The following TBC1D8 variants were observed in gnomAD, a reference collection of about 807,000 sequenced individuals.
The protein encoded by TBC1D8 is TBC1 domain family member 8, also known as BUB2-like protein 1.
TBC1D8 carries 65 observed loss-of-function variants against 118.8 expected under a neutral mutation model. The ratio of observed to expected loss-of-function variants is 0.55; its 90% CI spans 0.45 to 0.67. TBC1D8 has a LOEUF of 0.67. Among genes scored for constraint, TBC1D8 ranks in the 30% least tolerant of loss-of-function variants. TBC1D8 has a pLI of 0.00. For missense variants in TBC1D8, 1,376 were observed against 1,471.2 expected, an observed-to-expected ratio of 0.94 and a Z score of 1.06; for synonymous variants, 566 against 595.8, an observed-to-expected ratio of 0.95 and a Z score of 0.73.
At chr2:101,095,876 G>A (rs1676385968) in intron 1 of TBC1D8, among the ~76,000 whole-genome samples, 1 of 152,032 alleles carries the variant, frequency 6.6e-6, no homozygotes, top group South Asian at 2.1e-4. Context: ...AAGGGTAGGA[G>A]GAACAGAAAT....
intron 16 of TBC1D8, among the ~76,000 whole-genome samples, chr2:101,022,055 T>C (rs961936503): frequency 3.3e-5 from 5 of 152,152 alleles, no homozygotes; most frequent in African/African-American, 1.2e-4. Context: ...GAAAGCAAGG[T>C]GAACAGCCTC....
chr2:101,078,559 CT>C (rs1344599399), intron 2 of TBC1D8, among the ~76,000 whole-genome samples: 1 of 151,882 alleles, frequency 6.6e-6, no homozygotes, highest in Non-Finnish European at 1.5e-5. Flanking sequence ...CTAGAATTTG[CT>C]TTAAAATGCT....
At chr2:101,040,450 AG>A (rs1681313867) in intron 5 of TBC1D8, 65 bp from the exon 6 acceptor site, 2 of 1,439,154 alleles carry the variant, frequency 1.4e-6, no homozygotes, top group African/African-American at 2.9e-5. Context: ...AAGATTACAA[AG>A]GAAAATACTT....
At position 101,105,609 on chromosome 2, in the gene TBC1D8, C is replaced by CATATAT. The variant is rs56141474; in HGVS notation, c.128-15251_128-15246dup. On this transcript the variant is annotated intron_variant, in intron 1 of 19. Coordinates refer to ENST00000409318, the MANE Select transcript of TBC1D8 (RefSeq NM_001330348.2). ...TCTCAAATTAAAAAAAAAAAAAAAA[C>CATATAT]ATATATATATATATAGTTGTCCAAC... is the stretch of plus-strand genomic sequence containing the variant. Among the ~76,000 whole-genome samples the CATATAT allele has an allele frequency of 1.3e-3, 189 of 140,784 alleles. 1 individual carries two copies. Among genetic ancestry groups the CATATAT allele is most frequent in the East Asian group, 3.1e-3 (15 of 4,852 alleles). 92.4% of individuals were successfully genotyped at this position (140,784 alleles called of 152,430 possible).
intron 1 of TBC1D8, among the ~76,000 whole-genome samples, chr2:101,137,534 G>A (rs919203819): frequency 3.3e-5 from 5 of 151,038 alleles, no homozygotes; most frequent in African/African-American, 9.8e-5. Flanking sequence ...GGATGGTCTC[G>A]ATCTCCTGAC....
intron 8 of TBC1D8, 94 bp downstream of exon 8, chr2:101,037,438 G>GTGCC: frequency 6.6e-7 from 1 of 1,516,122 alleles, no homozygotes; most frequent in Non-Finnish European, 8.8e-7. Context: ...CCAAAGTCAG[G>GTGCC]TGCCACGTTC....
rs952220606 is a variant in TBC1D8 at position 101,077,348 on chromosome 2, C to T, written c.283+12861G>A. ...CTGCAACCTCCGCCTCCCGGGTTCA[C>T]GCCATTCTCCTGCCTCAGCCTCCCG... is the stretch of plus-strand genomic sequence containing the variant. On this transcript the variant is annotated intron_variant, in intron 2 of 19. Transcript: ENST00000409318. Among the ~76,000 whole-genome samples the T allele has an allele frequency of 8.0e-5, 12 of 150,704 alleles. No homozygotes were observed. The South Asian group carries it at 1.0e-3, about 13-fold the overall frequency.
intron 3 of TBC1D8, among the ~76,000 whole-genome samples, chr2:101,054,978 G>A (rs1044119678): frequency 4.6e-5 from 7 of 151,518 alleles, no homozygotes; most frequent in Middle Eastern, 3.4e-3. Context: ...CACCACGCCC[G>A]GCCACAAATG....
intron 4 of TBC1D8, 93 bp downstream of exon 4, chr2:101,054,015 G>T: frequency 8.7e-7 from 1 of 1,144,046 alleles, no homozygotes; most frequent in Non-Finnish European, 1.2e-6. Context: ...ATTTAAATCT[G>T]TCCAACTCTT....
chr2:101,095,289 T>G (rs1328406052), intron 1 of TBC1D8, among the ~76,000 whole-genome samples: 1 of 148,650 alleles, frequency 6.7e-6, no homozygotes, highest in African/African-American at 2.5e-5. Flanking sequence ...TTAGGGTACA[T>G]GTGCACAATG....
chr2:101,073,781 C>A (rs774391059), intron 2 of TBC1D8, among the ~76,000 whole-genome samples: 2 of 152,224 alleles, frequency 1.3e-5, no homozygotes, highest in Non-Finnish European at 2.9e-5. Flanking sequence ...TAGCTTCAAA[C>A]TTTTCTTCTG....
chr2:101,056,774 C>T (rs565588146), intron 3 of TBC1D8, among the ~76,000 whole-genome samples: 1 of 152,254 alleles, frequency 6.6e-6, no homozygotes, highest in South Asian at 2.1e-4. Context: ...CCCAGTGGCT[C>T]CTGATGCAGG....
rs539742044 is a variant in TBC1D8, at chr2:101,038,356, C to T, written c.1275+105G>A. The T allele has an allele frequency of 3.9e-4, 506 of 1,284,944 alleles. 1 individual carries two copies. Among genetic ancestry groups the T allele is most frequent in the Non-Finnish European group, 4.3e-4 (393 of 921,368 alleles). The allele number at this position is 1,284,944 out of a possible 1,614,324, so 79.6% of individuals were successfully genotyped here. A position where few individuals can be genotyped will look rare whatever the true frequency, so the allele number is the denominator to read the frequency against. ...ATGACAGCAGACCACACACAGGCCC[C>T]GCATTCTTCTCATCCCCACATGGCT... On this transcript the variant is annotated intron_variant, in intron 7 of 19. Transcript: ENST00000409318.
chr2:101,072,336 G>A (rs2105437541), intron 2 of TBC1D8, among the ~76,000 whole-genome samples: 1 of 152,190 alleles, frequency 6.6e-6, no homozygotes, highest in East Asian at 1.9e-4. Context: ...AGGGGGAGCA[G>A]GTGTGTCAAA....
chr2:101,111,273 C>T (rs978286376), intron 1 of TBC1D8, among the ~76,000 whole-genome samples: 15 of 152,168 alleles, frequency 9.9e-5, no homozygotes, highest in African/African-American at 3.6e-4. Context: ...CAAGAGATGA[C>T]TGCTATTTTT....
chr2:101,124,233 CA>C (rs1678254854), intron 1 of TBC1D8, among the ~76,000 whole-genome samples: 1 of 152,144 alleles, frequency 6.6e-6, no homozygotes, highest in Admixed American at 6.6e-5. Context: ...TTACAATCTC[CA>C]ACAGAAAAAG....
At chr2:101,073,590 C>T (rs1435587048) in intron 2 of TBC1D8, among the ~76,000 whole-genome samples, 7 of 152,174 alleles carry the variant, frequency 4.6e-5, no homozygotes, top group African/African-American at 1.2e-4. Flanking sequence ...CCACCACACC[C>T]GGCCATCTAC....
At chr2:101,031,225 TA>T (rs1273879037) in intron 11 of TBC1D8, among the ~76,000 whole-genome samples, 1 of 151,930 alleles carries the variant, frequency 6.6e-6, no homozygotes, top group African/African-American at 2.4e-5. Flanking sequence ...CAACACAAAG[TA>T]AAAAGGGAAG....
intron 17 of TBC1D8, chr2:101,017,833 A>C (rs900145158): frequency 6.5e-7 from 1 of 1,550,324 alleles, no homozygotes; most frequent in Admixed American, 2.0e-5. Flanking sequence ...CTAACAGTGA[A>C]GCAGCTACAT....
Sources: gnomAD v4.1 joint callset for allele counts (sites outside exome capture counted in the v4.1 genomes callset) on GRCh38, gnomAD v4.1.1 for gene constraint, MANE v1.5 for transcripts, NCBI Gene and HGNC (gene_info 2026-07-23, HGNC 2026-07-21) for gene names.